Variants in PCNX1 observed in about 807,000 individuals in gnomAD.
PCNX1 encodes pecanex 1.
In PCNX1, 78 loss-of-function variants were observed where a neutral mutation model predicts 242.2. That is an observed-to-expected ratio of 0.32 (90% CI 0.27 to 0.39). The LOEUF is 0.39. Ranked by LOEUF, PCNX1 falls within the 10% of genes least tolerant of loss-of-function variation. The pLI is 1.00. For synonymous variants in PCNX1, 1,024 were observed against 1,032.9 expected (o/e 0.99, Z 0.17); for missense variants, 2,581 against 2,856.5 (o/e 0.90, Z 2.20).
At chr14:70,934,418 CATAAT>C (rs1362145350) in intron 1 of PCNX1, among the ~76,000 whole-genome samples, 15 of 152,024 alleles carry the variant, frequency 9.9e-5, no homozygotes, top group African/African-American at 3.6e-4. Context: ...GGTAAAAACA[CATAAT>C]ATAAAATTTA....
At chr14:71,071,618 G>A (rs914900545) in intron 26 of PCNX1, among the ~76,000 whole-genome samples, 3 of 152,018 alleles carry the variant, frequency 2.0e-5, no homozygotes, top group Non-Finnish European at 2.9e-5. Context: ...ACCTTACACC[G>A]TGATTATGTT....
At chr14:70,987,348 A>G (rs1435079507) in intron 6 of PCNX1, among the ~76,000 whole-genome samples, 1 of 152,194 alleles carries the variant, frequency 6.6e-6, no homozygotes, top group Non-Finnish European at 1.5e-5. Context: ...CAATCTCAGG[A>G]ACTGAATTTT....
chr14:70,990,401 TAAAA>T (rs71105756), intron 7 of PCNX1, among the ~76,000 whole-genome samples: 4 of 144,740 alleles, frequency 2.8e-5, no homozygotes, highest in Non-Finnish European at 6.1e-5. Flanking sequence ...CTACTAAAAA[TAAAA>T]AAAAAAAAAT....
intron 1 of PCNX1, among the ~76,000 whole-genome samples, chr14:70,927,316 G>A (rs2056629347): frequency 2.0e-5 from 3 of 152,050 alleles, no homozygotes; most frequent in South Asian, 2.1e-4. Context: ...GCTCTTCTAC[G>A]TTTTTAAATT....
chr14:71,046,765 A>G (rs1473459239), intron 20 of PCNX1, among the ~76,000 whole-genome samples, 199 bp from the exon 21 acceptor site: 4 of 152,270 alleles, frequency 2.6e-5, no homozygotes, highest in African/African-American at 9.6e-5. Flanking sequence ...AACTCATCTA[A>G]ATGTTAAATC....
intron 6 of PCNX1, among the ~76,000 whole-genome samples, chr14:70,982,198 A>G (rs2058859278): frequency 6.6e-6 from 1 of 152,224 alleles, no homozygotes. Context: ...AACAGACAAT[A>G]AAATGCAAAT....
intron 28 of PCNX1, among the ~76,000 whole-genome samples, chr14:71,078,292 T>A (rs1285411712): frequency 2.0e-5 from 3 of 152,220 alleles, no homozygotes; most frequent in Non-Finnish European, 2.9e-5. Flanking sequence ...ATTCCCAGAA[T>A]AACCTTTTCC....
At chr14:70,911,094 T>G (rs2055883465) in intron 1 of PCNX1, among the ~76,000 whole-genome samples, 1 of 152,226 alleles carries the variant, frequency 6.6e-6, no homozygotes, top group African/African-American at 2.4e-5. Context: ...CAGACAGCCA[T>G]AGGTTATTAT....
At chr14:71,066,170 G>A (rs932452812) in intron 26 of PCNX1, among the ~76,000 whole-genome samples, 11 of 152,124 alleles carry the variant, frequency 7.2e-5, no homozygotes, top group African/African-American at 2.7e-4. Flanking sequence ...GCAGCTTGAT[G>A]GGGATAGCAT....
At chr14:70,990,401 TA>T (rs71105756) in intron 7 of PCNX1, among the ~76,000 whole-genome samples, 1,497 of 144,544 alleles carry the variant, frequency 0.01, 10 homozygotes, top group Non-Finnish European at 0.014. Context: ...CTACTAAAAA[TA>T]AAAAAAAAAA....
At chr14:70,908,567 C>T (rs1319760312) in intron 1 of PCNX1, among the ~76,000 whole-genome samples, 10 of 152,346 alleles carry the variant, frequency 6.6e-5, no homozygotes, top group African/African-American at 2.4e-4. Flanking sequence ...CGTCCGGGCT[C>T]GTCCTCCAGG....
At chr14:70,930,590 A>C (rs2140154930) in intron 1 of PCNX1, among the ~76,000 whole-genome samples, 1 of 152,224 alleles carries the variant, frequency 6.6e-6, no homozygotes, top group Non-Finnish European at 1.5e-5. Context: ...TATTATTTTT[A>C]ATTCTATTTA....
At chr14:70,937,432 T>G (rs1190440981) in intron 1 of PCNX1, among the ~76,000 whole-genome samples, 1 of 152,204 alleles carries the variant, frequency 6.6e-6, no homozygotes, top group Non-Finnish European at 1.5e-5. Context: ...TTGTCAAAGA[T>G]CAGATAGCTG....
At chr14:71,079,931 C>T in intron 28 of PCNX1, among the ~76,000 whole-genome samples, 1 of 152,156 alleles carries the variant, frequency 6.6e-6, no homozygotes, top group Non-Finnish European at 1.5e-5. Context: ...GTGTTTTAGT[C>T]ATGAAGTCTT....
chr14:70,912,874 G>A (rs2055986654), intron 1 of PCNX1, among the ~76,000 whole-genome samples: 1 of 152,088 alleles, frequency 6.6e-6, no homozygotes, highest in African/African-American at 2.4e-5. Flanking sequence ...ACCTTTGCAC[G>A]TGTTGTGCCT....
chr14:70,925,009 G>A lies in PCNX1; in HGVS notation c.153+17006G>A, dbSNP rs373860640. ...TTTTTTTTTTTTAATTTTTTATTGA[G>A]ACAGAATCTCACTCTGTTGCCCAGA... On this transcript the variant is annotated intron_variant, in intron 1 of 35. Coordinates refer to ENST00000304743, the MANE Select transcript of PCNX1 (RefSeq NM_014982.3). Among the ~76,000 whole-genome samples the A allele has an allele frequency of 6.0e-5, 9 of 150,108 alleles. No individual in the cohort carries two copies. The East Asian group carries it at 1.8e-3, about 29-fold the overall frequency.
chr14:71,036,040 T>C (rs779734895), intron 18 of PCNX1, 25 bp from the exon 19 acceptor site: 79 of 1,420,964 alleles, frequency 5.6e-5, no homozygotes, highest in Admixed American at 1.7e-4. Flanking sequence ...TGTAATTGTT[T>C]AATAATTCTT....
At chr14:71,019,320 A>C (rs1213954963) in intron 12 of PCNX1, among the ~76,000 whole-genome samples, 158 bp downstream of exon 12, 1 of 152,188 alleles carries the variant, frequency 6.6e-6, no homozygotes, top group Non-Finnish European at 1.5e-5. Flanking sequence ...GGGGGATATA[A>C]ACCTTAAAAA....
At position 70,907,961 on chromosome 14, in the gene PCNX1, C is replaced by T. The variant is rs894673826; in HGVS notation, c.111C>T (p.Tyr37=). 3.1e-6 allele frequency: 5 copies of T among 1,598,132 alleles called. No homozygotes were observed. The highest frequency in any genetic ancestry group is 1.7e-5 in the Admixed American group (1 of 58,114). ...QATFVNALHL[Y]LWLFLLGLPF... ...CCTTCGTGAACGCGCTGCACCTCTA[C>T]CTGTGGCTCTTTCTGCTGGGCCTGC... Residue 37 remains tyrosine, a synonymous_variant, in exon 1 of 36, where the codon TAC becomes TAT. Coordinates refer to ENST00000304743, the MANE Select transcript of PCNX1 (RefSeq NM_014982.3).
Sources: allele counts gnomAD v4.1 joint callset (sites outside exome capture counted in the v4.1 genomes callset), GRCh38; gene constraint gnomAD v4.1.1; transcripts MANE v1.5; gene names NCBI Gene and HGNC (gene_info 2026-07-23, HGNC 2026-07-21).